The following UBXN2A variants were observed in gnomAD, a reference collection of about 807,000 sequenced individuals.
UBXN2A encodes the protein UBX domain-containing protein 2A.
A neutral mutation model predicts 28.4 loss-of-function variants in UBXN2A; 28 were observed. That is an observed-to-expected ratio of 0.99 (90% CI 0.73 to 1.35). The LOEUF is 1.35. Among genes scored for constraint, UBXN2A ranks in the 40% most tolerant of loss-of-function variants. The probability of loss-of-function intolerance (pLI) is 0.00; values close to 1 mark genes in which losing one functional copy is unlikely to be tolerated. For synonymous variants in UBXN2A, 97 were observed against 103.6 expected (o/e 0.94, Z 0.39); for missense variants, 253 against 297.9 (o/e 0.85, Z 1.11).
At chr2:23,945,318 G>A (rs60490158) in intron 1 of UBXN2A, among the ~76,000 whole-genome samples, 68,507 of 152,044 alleles carry the variant, frequency 0.45, 16,334 homozygotes, top group East Asian at 0.78. Flanking sequence ...TCTAGGAAAG[G>A]ACAAAAATAT....
At chr2:23,992,519 C>T (rs983821543) in intron 6 of UBXN2A, among the ~76,000 whole-genome samples, 2 of 152,162 alleles carry the variant, frequency 1.3e-5, no homozygotes, top group Admixed American at 6.5e-5. Context: ...AACAATACCT[C>T]GGAAAGGAAG....
chr2:23,948,707 T>G (rs1706215815), intron 1 of UBXN2A, among the ~76,000 whole-genome samples: 1 of 152,104 alleles, frequency 6.6e-6, no homozygotes, highest in Non-Finnish European at 1.5e-5. Flanking sequence ...AGAAGCTAAA[T>G]AACATATACA....
chr2:23,968,068 A>G (rs564750299), intron 2 of UBXN2A, among the ~76,000 whole-genome samples: 152 of 152,212 alleles, frequency 1.0e-3, no homozygotes, highest in African/African-American at 3.5e-3. Context: ...TCAAGTGACT[A>G]CAGACGTGCA....
chr2:23,979,291 G>A (rs1707799736), intron 4 of UBXN2A, among the ~76,000 whole-genome samples: 1 of 152,014 alleles, frequency 6.6e-6, no homozygotes, highest in Non-Finnish European at 1.5e-5. Flanking sequence ...GTTGCAGTGA[G>A]CTGAGATCAT....
intron 4 of UBXN2A, among the ~76,000 whole-genome samples, chr2:23,978,487 CA>C (rs1018183246): frequency 1.3e-5 from 2 of 151,200 alleles, no homozygotes; most frequent in African/African-American, 4.9e-5. Flanking sequence ...ACTGAAAATA[CA>C]AAAAAATTAG....
chr2:23,953,521 G>A (rs1038984707), intron 1 of UBXN2A, among the ~76,000 whole-genome samples: 3 of 152,026 alleles, frequency 2.0e-5, no homozygotes, highest in African/African-American at 7.2e-5. Context: ...ATTAATCATC[G>A]CTCCAAAATA....
rs538882830 is a variant in UBXN2A, at chr2:23,979,252, G to A, written c.287+2177G>A. On this transcript the variant is annotated intron_variant, in intron 4 of 6. Coordinates refer to ENST00000309033, the MANE Select transcript of UBXN2A (RefSeq NM_181713.4). ...CCAGCTACTTAGGAGGCTGAGGCAG[G>A]GAGAATTGCTTGAACCCAGGAGGCA... Among the ~76,000 whole-genome samples the A allele has an allele frequency of 5.3e-5, 8 of 151,702 alleles. No individual in the cohort carries two copies. The South Asian group carries it at 1.5e-3, about 28-fold the overall frequency.
At chr2:23,967,502 TTA>T (rs1707226878) in intron 2 of UBXN2A, among the ~76,000 whole-genome samples, 1 of 152,194 alleles carries the variant, frequency 6.6e-6, no homozygotes, top group Non-Finnish European at 1.5e-5. Context: ...GTTTAGGCTT[TTA>T]TATATATTTT....
chr2:23,939,324 G>C (rs1705633461), upstream of UBXN2A, among the ~76,000 whole-genome samples: 1 of 152,200 alleles, frequency 6.6e-6, no homozygotes, highest in South Asian at 2.1e-4. Context: ...TATTGCAACT[G>C]AGAGTGGGGA....
chr2:23,949,647 G>A (rs2150814652), intron 1 of UBXN2A, among the ~76,000 whole-genome samples: 1 of 152,178 alleles, frequency 6.6e-6, no homozygotes, highest in East Asian at 1.9e-4. Context: ...GGCCAAGGCA[G>A]GAGGATCACC....
chr2:23,989,465 C>T (rs1263549821), intron 6 of UBXN2A, among the ~76,000 whole-genome samples: 1 of 151,704 alleles, frequency 6.6e-6, no homozygotes, highest in Non-Finnish European at 1.5e-5. Context: ...GTTGCCTAGG[C>T]TGGTCTCAAA....
At position 23,934,062 on chromosome 2, in the gene UBXN2A, A is replaced by G. The variant is rs1408101546; in HGVS notation, c.-137-5478A>G. ...GAAACCCTGTCTCTACTAAAAATAC[A>G]AAAATTAGCTGGGTGTGGTGGTGCA... is the stretch of plus-strand genomic sequence containing the variant. On this transcript the variant is annotated intron_variant, in intron 1 of 7. Transcript: ENST00000404924. Among the ~76,000 whole-genome samples the G allele has an allele frequency of 2.6e-5, 4 of 151,838 alleles. No homozygotes were observed. The East Asian group carries it at 7.8e-4, about 29-fold the overall frequency.
chr2:23,950,705 A>G (rs1358304748), intron 1 of UBXN2A, among the ~76,000 whole-genome samples: 1 of 148,814 alleles, frequency 6.7e-6, no homozygotes, highest in Non-Finnish European at 1.5e-5. Context: ...CGCCTGGCCT[A>G]TTTTATTTTA....
chr2:23,993,732 G>T (rs986596336), intron 6 of UBXN2A, among the ~76,000 whole-genome samples: 3 of 138,958 alleles, frequency 2.2e-5, no homozygotes, highest in African/African-American at 5.4e-5. Context: ...TCTGTCACCT[G>T]GTTGGAGCGC....
chr2:23,954,131 G>A (rs1350764510), intron 1 of UBXN2A, among the ~76,000 whole-genome samples: 1 of 152,112 alleles, frequency 6.6e-6, no homozygotes. Context: ...TCCTGCCTCA[G>A]CCTCCCGAGT....
intron 1 of UBXN2A, among the ~76,000 whole-genome samples, chr2:23,956,839 T>C (rs1706652182): frequency 6.6e-6 from 1 of 152,194 alleles, no homozygotes; most frequent in Admixed American, 6.6e-5. Flanking sequence ...TGGTATGTCA[T>C]TGCTTCCAGG....
chr2:23,947,392 G>A (rs963217720), intron 1 of UBXN2A, among the ~76,000 whole-genome samples: 4 of 152,144 alleles, frequency 2.6e-5, no homozygotes, highest in Non-Finnish European at 4.4e-5. Context: ...GTGATAGTTG[G>A]AAGTAGACCG....
At chr2:23,954,792 C>G (rs1407710324) in intron 1 of UBXN2A, among the ~76,000 whole-genome samples, 1 of 144,632 alleles carries the variant, frequency 6.9e-6, no homozygotes, top group Non-Finnish European at 1.5e-5. Flanking sequence ...GATTCTTGCT[C>G]TGTTGCCCAG....
At chr2:23,932,115 C>T (rs1032347819) in intron 1 of UBXN2A, among the ~76,000 whole-genome samples, 2 of 151,836 alleles carry the variant, frequency 1.3e-5, no homozygotes, top group African/African-American at 4.8e-5. Context: ...GTCAGGAGTT[C>T]GAGACCAGCC....
Sources: gnomAD v4.1 joint callset for allele counts (sites outside exome capture counted in the v4.1 genomes callset) on GRCh38, gnomAD v4.1.1 for gene constraint, MANE v1.5 for transcripts, NCBI Gene and HGNC (gene_info 2026-07-23, HGNC 2026-07-21) for gene names.